The following AFAP1L2 variants were observed in gnomAD, a reference collection of about 807,000 sequenced individuals.
AFAP1L2 encodes actin filament-associated protein 1-like 2.
In AFAP1L2, 46 loss-of-function variants were observed where a neutral mutation model predicts 99.3. That is an observed-to-expected ratio of 0.46 (90% CI 0.37 to 0.59). The LOEUF (loss-of-function observed/expected upper bound fraction) is 0.59, where lower values mean the gene tolerates loss of function less well. Among genes scored for constraint, AFAP1L2 ranks in the 20% least tolerant of loss-of-function variants. The pLI is 0.00. For synonymous variants in AFAP1L2, 397 were observed against 419.1 expected (o/e 0.95, Z 0.64); for missense variants, 959 against 1,034.9 (o/e 0.93, Z 1.01).
At chr10:114,340,087 T>C (rs922936975) in intron 2 of AFAP1L2, among the ~76,000 whole-genome samples, 1 of 150,692 alleles carries the variant, frequency 6.6e-6, no homozygotes, top group Non-Finnish European at 1.5e-5. Context: ...TCCCAGCACT[T>C]TGAGGGGCCC....
At chr10:114,335,219 C>T (rs918375853) in intron 2 of AFAP1L2, among the ~76,000 whole-genome samples, 9 of 152,148 alleles carry the variant, frequency 5.9e-5, no homozygotes, top group Admixed American at 5.2e-4. Flanking sequence ...AGCATTTCTA[C>T]TGCCAGAAAC....
intron 1 of AFAP1L2, among the ~76,000 whole-genome samples, chr10:114,394,828 C>T (rs147072419): frequency 8.1e-4 from 123 of 152,210 alleles, no homozygotes; most frequent in African/African-American, 2.9e-3. Flanking sequence ...AAGCTTCCAC[C>T]GACTCCTGGG....
At chr10:114,309,959 C>T (rs1281369691) in intron 8 of AFAP1L2, among the ~76,000 whole-genome samples, 2 of 152,094 alleles carry the variant, frequency 1.3e-5, no homozygotes, top group African/African-American at 4.8e-5. Context: ...ATGGAGTCTC[C>T]CTCTGTCACC....
intron 1 of AFAP1L2, among the ~76,000 whole-genome samples, chr10:114,395,833 G>A (rs1043051247): frequency 6.6e-6 from 1 of 152,228 alleles, no homozygotes. Context: ...AACCAGACGC[G>A]GGCCTTGGGG....
At chr10:114,332,159 T>C (rs2047338043) in intron 3 of AFAP1L2, among the ~76,000 whole-genome samples, 1 of 152,198 alleles carries the variant, frequency 6.6e-6, no homozygotes, top group Admixed American at 6.5e-5. Context: ...AAAAATGGTC[T>C]AGCCACAGAG....
the AFAP1L2 span, chr10:114,286,220 C>T: frequency 1.7e-5 from 27 of 1,613,480 alleles, no homozygotes; most frequent in East Asian, 8.9e-5. Context: ...CAGTGCCTTG[C>T]GGCAGGCGGC....
chr10:114,362,718 A>T (rs1459937172), intron 1 of AFAP1L2, among the ~76,000 whole-genome samples: 4 of 152,210 alleles, frequency 2.6e-5, no homozygotes, highest in Admixed American at 1.3e-4. Context: ...CAACTCACGG[A>T]GCTAGAGTAG....
At chr10:114,306,120 T>A (rs372217574) in intron 10 of AFAP1L2, among the ~76,000 whole-genome samples, 32,688 of 32,968 alleles carry the variant, frequency 0.99, 16,217 homozygotes, top group Middle Eastern at 1. Flanking sequence ...TGCAGATGCC[T>A]GGAGGGATGC....
At chr10:114,390,878 TG>T (rs2057064929) in intron 1 of AFAP1L2, among the ~76,000 whole-genome samples, 1 of 152,226 alleles carries the variant, frequency 6.6e-6, no homozygotes, top group South Asian at 2.1e-4. Flanking sequence ...GTGGTGGTTT[TG>T]GTTGACCTGC....
At chr10:114,332,879 CAA>C (rs1283010329) in intron 3 of AFAP1L2, among the ~76,000 whole-genome samples, 1 of 152,352 alleles carries the variant, frequency 6.6e-6, no homozygotes, top group African/African-American at 2.4e-5. Context: ...AGACTTCTAT[CAA>C]AAGACATAAA....
the AFAP1L2 span, among the ~76,000 whole-genome samples, chr10:114,286,972 G>A: frequency 1.1e-4 from 16 of 152,156 alleles, no homozygotes; most frequent in Non-Finnish European, 2.1e-4. Flanking sequence ...GCATGCACAC[G>A]CGCTGGTGCA....
intron 1 of AFAP1L2, among the ~76,000 whole-genome samples, chr10:114,365,723 CT>C (rs1243956682): frequency 0.011 from 1,219 of 108,374 alleles, 18 homozygotes; most frequent in African/African-American, 0.029. Flanking sequence ...CTCTCTCTCT[CT>C]TTTTTTTTTT....
intron 1 of AFAP1L2, among the ~76,000 whole-genome samples, chr10:114,344,872 G>A (rs781557907): frequency 3.9e-5 from 6 of 152,180 alleles, no homozygotes; most frequent in South Asian, 2.1e-4. Context: ...CAAGGTGGGC[G>A]GATCACCTGA....
chr10:114,391,339 C>T (rs2137967374), intron 1 of AFAP1L2, among the ~76,000 whole-genome samples: 1 of 152,252 alleles, frequency 6.6e-6, no homozygotes, highest in East Asian at 1.9e-4. Context: ...CCTGCCTCCG[C>T]CTCCCAAGTA....
intron 1 of AFAP1L2, among the ~76,000 whole-genome samples, chr10:114,388,432 T>G (rs747923642): frequency 3.3e-5 from 5 of 152,132 alleles, no homozygotes; most frequent in Non-Finnish European, 7.4e-5. Flanking sequence ...CCCAGGCTAA[T>G]GTTGGACACC....
At chr10:114,375,122 A>C (rs2137147771) in intron 1 of AFAP1L2, among the ~76,000 whole-genome samples, 1 of 152,308 alleles carries the variant, frequency 6.6e-6, no homozygotes, top group South Asian at 2.1e-4. Flanking sequence ...TTACATTTTT[A>C]AATGACTGAG....
At chr10:114,314,775 G>GGTCCCTTGCTGGGTTT (rs2043845705) in intron 6 of AFAP1L2, among the ~76,000 whole-genome samples, 1 of 152,178 alleles carries the variant, frequency 6.6e-6, no homozygotes, top group Admixed American at 6.5e-5. Flanking sequence ...TGCTGGGTCT[G>GGTCCCTTGCTGGGTTT]GTCTTGTAAT....
At chr10:114,333,190 C>A in intron 3 of AFAP1L2, 31 bp downstream of exon 3, 4 of 1,596,058 alleles carry the variant, frequency 2.5e-6, no homozygotes, top group Non-Finnish European at 2.6e-6. Context: ...GAGTGGCCAT[C>A]ATACCAGCGT....
At chr10:114,388,728 C>G (rs549294118) in intron 1 of AFAP1L2, among the ~76,000 whole-genome samples, 3 of 152,170 alleles carry the variant, frequency 2.0e-5, no homozygotes, top group Non-Finnish European at 4.4e-5. Context: ...GACATCAGCA[C>G]GTTCATTACA....
Sources: gnomAD v4.1 joint callset for allele counts (sites outside exome capture counted in the v4.1 genomes callset) on GRCh38, gnomAD v4.1.1 for gene constraint, MANE v1.5 for transcripts, NCBI Gene and HGNC (gene_info 2026-07-23, HGNC 2026-07-21) for gene names.